Variants in CAMK1D observed in about 807,000 individuals in gnomAD.
CAMK1D encodes calcium/calmodulin-dependent protein kinase type 1D.
A neutral mutation model predicts 47.7 loss-of-function variants in CAMK1D; 9 were observed. The ratio of observed to expected loss-of-function variants is 0.19; its 90% CI spans 0.11 to 0.33. CAMK1D has a LOEUF of 0.33. Ranked by LOEUF, CAMK1D falls within the 10% of genes least tolerant of loss-of-function variation. The pLI is 1.00. For synonymous variants in CAMK1D, 184 were observed against 184.9 expected, an observed-to-expected ratio of 0.99 and a Z score of 0.04; for missense variants, 291 against 488.7, an observed-to-expected ratio of 0.60 and a Z score of 3.81.
intron 2 of CAMK1D, among the ~76,000 whole-genome samples, chr10:12,572,462 A>G (rs1412458607): frequency 6.6e-6 from 1 of 152,018 alleles, no homozygotes. Context: ...TGCATAGCAA[A>G]GGATTGAGGC....
intron 1 of CAMK1D, among the ~76,000 whole-genome samples, chr10:12,453,376 G>C (rs1205564464): frequency 6.6e-6 from 1 of 152,070 alleles, no homozygotes; most frequent in South Asian, 2.1e-4. Flanking sequence ...TTTTAGTAGA[G>C]ATGGGGTTTC....
intron 2 of CAMK1D, among the ~76,000 whole-genome samples, chr10:12,630,388 T>TTTG (rs112347508): frequency 1.4e-5 from 2 of 142,264 alleles, no homozygotes; most frequent in Non-Finnish European, 3.0e-5. Flanking sequence ...TTTTTTTTTT[T>TTTG]AAAAAAAAGA....
chr10:12,609,896 C>T (rs1838571245), intron 2 of CAMK1D, among the ~76,000 whole-genome samples: 1 of 152,190 alleles, frequency 6.6e-6, no homozygotes, highest in Non-Finnish European at 1.5e-5. Flanking sequence ...AGCTCTCAAA[C>T]ATCCTGGAGA....
At chr10:12,758,011 C>G (rs919936357) in intron 3 of CAMK1D, among the ~76,000 whole-genome samples, 1 of 152,082 alleles carries the variant, frequency 6.6e-6, no homozygotes, top group Non-Finnish European at 1.5e-5. Flanking sequence ...GCCATCATGC[C>G]CAGCTAATTT....
chr10:12,471,425 GGCTGGCTGTGT>G (rs11267331), intron 1 of CAMK1D, among the ~76,000 whole-genome samples: 114,170 of 151,648 alleles, frequency 0.75, 43,210 homozygotes, highest in East Asian at 0.97. Flanking sequence ...GCCAGGGTAG[GGCTGGCTGTGT>G]GCTGGCTGTG....
rs896745913 is a variant in CAMK1D at position 12,402,344 on chromosome 10, C to T, written c.92+52434C>T. On this transcript the variant is annotated intron_variant, in intron 1 of 10. Coordinates refer to ENST00000619168, the MANE Select transcript of CAMK1D (RefSeq NM_153498.4). ...TACCTCCCAGGCTCAATTGATCCTC[C>T]CACCTCAGCCTACTGGGTAGCTGGG... Among the ~76,000 whole-genome samples, 22 of 151,888 alleles carry T rather than the reference C, an allele frequency of 1.4e-4. No homozygotes were observed. The East Asian group carries it at 3.5e-3, about 24-fold the overall frequency.
intron 5 of CAMK1D, among the ~76,000 whole-genome samples, chr10:12,773,100 T>C (rs1837115500): frequency 6.6e-6 from 1 of 152,212 alleles, no homozygotes; most frequent in Non-Finnish European, 1.5e-5. Flanking sequence ...TGTGATCACA[T>C]TGCATTAGGG....
Position 12,612,021 on chromosome 10 carries a change from AC to A in CAMK1D, c.225-54714del, listed in dbSNP as rs1838642906. ...CTAATAAAAAGGGAACTTGCTGGACACGGTAGATAAACTAAAAAGCACTCCC... is the reference window on the plus strand; with the variant it reads ...CTAATAAAAAGGGAACTTGCTGGACAGGTAGATAAACTAAAAAGCACTCCC... On this transcript the variant is annotated intron_variant, in intron 2 of 10. Transcript: ENST00000619168. 2.0e-5 allele frequency among the ~76,000 whole-genome samples: 3 copies of A among 152,252 alleles called. No homozygotes were observed. In the South Asian group the frequency reaches 6.2e-4, roughly 31 times the overall value.
At chr10:12,532,574 C>T (rs995236514) in intron 1 of CAMK1D, among the ~76,000 whole-genome samples, 10 of 152,178 alleles carry the variant, frequency 6.6e-5, no homozygotes, top group South Asian at 4.1e-4. Flanking sequence ...CCACCGTGCC[C>T]GGCCTATCTT....
intron 5 of CAMK1D, among the ~76,000 whole-genome samples, 179 bp from the exon 6 acceptor site, chr10:12,790,979 G>A (rs953029892): frequency 3.3e-5 from 5 of 150,016 alleles, no homozygotes; most frequent in Admixed American, 2.7e-4. Flanking sequence ...CTGGGCAACA[G>A]AGCAAGACCC....
intron 1 of CAMK1D, among the ~76,000 whole-genome samples, chr10:12,475,154 T>A (rs1308234966): frequency 1.3e-5 from 2 of 152,164 alleles, no homozygotes; most frequent in Non-Finnish European, 2.9e-5. Flanking sequence ...TGTAATCATC[T>A]TATAATGTGC....
At chr10:12,468,155 A>G (rs1833645988) in intron 1 of CAMK1D, among the ~76,000 whole-genome samples, 1 of 152,238 alleles carries the variant, frequency 6.6e-6, no homozygotes, top group African/African-American at 2.4e-5. Context: ...TCCTGGGCTC[A>G]AGTGATCCTC....
intron 1 of CAMK1D, among the ~76,000 whole-genome samples, chr10:12,406,655 G>A (rs1257432632): frequency 4.1e-5 from 6 of 148,088 alleles, no homozygotes; most frequent in Admixed American, 6.9e-5. Flanking sequence ...CCGGGGAGGC[G>A]GAGGTTGCAG....
intron 5 of CAMK1D, among the ~76,000 whole-genome samples, chr10:12,787,445 C>T (rs1002186460): frequency 6.6e-6 from 1 of 152,168 alleles, no homozygotes; most frequent in Non-Finnish European, 1.5e-5. Flanking sequence ...CCACCATCCA[C>T]GATGCTGGAG....
chr10:12,581,778 C>T (rs1837671682), intron 2 of CAMK1D, among the ~76,000 whole-genome samples: 1 of 152,162 alleles, frequency 6.6e-6, no homozygotes. Flanking sequence ...CTTGCAGATT[C>T]TGGATTTTAG....
intron 2 of CAMK1D, among the ~76,000 whole-genome samples, chr10:12,637,030 G>A (rs1839529262): frequency 6.6e-6 from 1 of 152,014 alleles, no homozygotes; most frequent in Non-Finnish European, 1.5e-5. Context: ...GGAGTACAGT[G>A]CCTTCATCTC....
Position 12,687,005 on chromosome 10 carries a change from T to C in CAMK1D, c.299+20195T>C, listed in dbSNP as rs182583028. 1.8e-3 allele frequency among the ~76,000 whole-genome samples: 278 copies of C among 151,926 alleles called. 2 individuals carry two copies. The highest frequency in any genetic ancestry group is 0.017 in the Middle Eastern group (5 of 294). On this transcript the variant is annotated intron_variant, in intron 3 of 10. Transcript: ENST00000619168. ...CAGCAGTGAGAGTCAGTTATCAATA[T>C]GACAAAAAAATTTCATTTTTCTGGC...
At chr10:12,628,637 A>G (rs943981009) in intron 2 of CAMK1D, among the ~76,000 whole-genome samples, 1 of 152,188 alleles carries the variant, frequency 6.6e-6, no homozygotes, top group African/African-American at 2.4e-5. Context: ...ATTATTATTA[A>G]CTAAAGCCCT....
intron 1 of CAMK1D, among the ~76,000 whole-genome samples, chr10:12,493,713 C>T (rs541527788): frequency 4.1e-4 from 62 of 152,198 alleles, no homozygotes; most frequent in African/African-American, 1.4e-3. Flanking sequence ...AGGCTGGTCT[C>T]GAACTCCTGA....
Sources: allele counts gnomAD v4.1 joint callset (sites outside exome capture counted in the v4.1 genomes callset), GRCh38; gene constraint gnomAD v4.1.1; transcripts MANE v1.5; gene names NCBI Gene and HGNC (gene_info 2026-07-23, HGNC 2026-07-21).